The following FSTL5 variants were observed in gnomAD, a reference collection of about 807,000 sequenced individuals.
FSTL5 encodes the protein follistatin like 5.
FSTL5 carries 62 observed loss-of-function variants against 89.1 expected under a neutral mutation model. The ratio of observed to expected loss-of-function variants is 0.70; its 90% confidence interval spans 0.57 to 0.86. FSTL5 has a LOEUF of 0.86. Among genes scored for constraint, FSTL5 ranks in the 40% least tolerant of loss-of-function variants. The probability of loss-of-function intolerance (pLI) is 0.00; values close to 1 mark genes in which losing one functional copy is unlikely to be tolerated. For synonymous variants in FSTL5, 383 were observed against 346.2 expected, an observed-to-expected ratio of 1.11 and a Z score of -1.18; for missense variants, 1,057 against 1,001.6, an observed-to-expected ratio of 1.06 and a Z score of -0.75.
chr4:161,756,626 T>G (rs2126787007), intron 6 of FSTL5, among the ~76,000 whole-genome samples: 1 of 152,266 alleles, frequency 6.6e-6, no homozygotes, highest in African/African-American at 2.4e-5. Context: ...TTGTTTTCTT[T>G]AGCAACATCA....
intron 4 of FSTL5, among the ~76,000 whole-genome samples, chr4:161,904,834 C>T (rs953820901): frequency 2.6e-5 from 4 of 151,528 alleles, no homozygotes; most frequent in Non-Finnish European, 5.9e-5. Flanking sequence ...GAATGCCAGG[C>T]TTTTAAAAAA....
At chr4:161,962,577 G>T (rs536970865) in intron 3 of FSTL5, among the ~76,000 whole-genome samples, 1 of 151,012 alleles carries the variant, frequency 6.6e-6, no homozygotes, top group Non-Finnish European at 1.5e-5. Context: ...TAATGAGCCC[G>T]CATTGCTCAT....
At position 161,385,644 on chromosome 4, in the gene FSTL5, T is replaced by A. The variant is rs1730593126; in HGVS notation, c.*103A>T. The A allele has an allele frequency of 1.2e-6, 1 of 859,568 alleles. No individual in the cohort carries two copies. Among genetic ancestry groups the A allele is most frequent in the Non-Finnish European group, 1.8e-6 (1 of 556,622 alleles). The allele number at this position is 859,568 out of a possible 1,614,324, so 53.2% of individuals were successfully genotyped here. ...TTTGGACCAACCAAGTAAATTTTGTTTGACTAGGATATAAACTTGGAAAGT... is the reference window on the plus strand; with the variant it reads ...TTTGGACCAACCAAGTAAATTTTGTATGACTAGGATATAAACTTGGAAAGT... On this transcript the variant is annotated 3_prime_UTR_variant, in exon 16 of 16. Coordinates refer to ENST00000306100, the MANE Select transcript of FSTL5 (RefSeq NM_020116.5).
At chr4:161,535,303 A>G (rs1731563792) in intron 10 of FSTL5, among the ~76,000 whole-genome samples, 3 of 152,142 alleles carry the variant, frequency 2.0e-5, no homozygotes, top group Non-Finnish European at 1.5e-5. Context: ...AAGCCTACAG[A>G]ATGGGAAAAA....
chr4:161,850,616 T>C (rs1731518563), intron 4 of FSTL5, among the ~76,000 whole-genome samples: 2 of 152,152 alleles, frequency 1.3e-5, no homozygotes, highest in South Asian at 4.1e-4. Flanking sequence ...TATCACTAGA[T>C]AACAAAAAGG....
chr4:161,550,593 A>AT (rs376207816), intron 8 of FSTL5, among the ~76,000 whole-genome samples: 4 of 136,236 alleles, frequency 2.9e-5, no homozygotes, highest in South Asian at 2.3e-4. Flanking sequence ...TTATTTATTT[A>AT]TTATTATACT....
At position 161,775,947 on chromosome 4, in the gene FSTL5, C is replaced by G. The variant is rs1163318758; in HGVS notation, c.537G>C (p.Leu179Phe). The G allele has an allele frequency of 1.9e-6, 3 of 1,606,868 alleles. No homozygotes were observed. Among genetic ancestry groups the G allele is most frequent in the Non-Finnish European group, 2.6e-6 (3 of 1,176,352 alleles). ...NGDDISRKKL[L>F]VDQMFKYFDA... ...CAAAATATTTAAACATTTGATCCAC[C>G]AATAGCTTCTTCCGAGATATGTCGT... The change falls in exon 5 of 16, where the codon TTG becomes TTC. Residue 179 changes from leucine to phenylalanine, a missense_variant. By Grantham distance (22) the Leu-to-Phe change is conservative. This residue lies in a region of FSTL5 where 980 missense variants were observed against 903.2 expected (regional missense o/e 1.08). Coordinates refer to ENST00000306100, the MANE Select transcript of FSTL5 (RefSeq NM_020116.5).
intron 7 of FSTL5, among the ~76,000 whole-genome samples, chr4:161,633,488 A>G (rs1735572558): frequency 6.6e-6 from 1 of 151,808 alleles, no homozygotes; most frequent in Admixed American, 6.6e-5. Context: ...CTGAGACTAC[A>G]GGCACACACC....
intron 6 of FSTL5, among the ~76,000 whole-genome samples, chr4:161,749,585 C>A (rs974232702): frequency 6.6e-6 from 1 of 151,964 alleles, no homozygotes; most frequent in Non-Finnish European, 1.5e-5. Flanking sequence ...ATCCCGAGGT[C>A]AGGAGATCAA....
chr4:162,150,686 A>G (rs989345039), intron 1 of FSTL5, among the ~76,000 whole-genome samples: 2 of 152,164 alleles, frequency 1.3e-5, no homozygotes, highest in Non-Finnish European at 2.9e-5. Context: ...TGGTTAAATA[A>G]TATCTCAACC....
chr4:162,060,592 T>C (rs1275467857), intron 2 of FSTL5, among the ~76,000 whole-genome samples: 1 of 152,056 alleles, frequency 6.6e-6, no homozygotes, highest in Non-Finnish European at 1.5e-5. Context: ...CTTTTGTCCT[T>C]TTTTGATCTA....
chr4:162,061,726 T>C lies in FSTL5; in HGVS notation c.127-28068A>G, dbSNP rs575526217. 4.6e-5 allele frequency among the ~76,000 whole-genome samples: 7 copies of C among 152,214 alleles called. No individual in the cohort carries two copies. In the South Asian group the frequency reaches 1.4e-3, roughly 32 times the overall value. On this transcript the variant is annotated intron_variant, in intron 2 of 15. Coordinates refer to ENST00000306100, the MANE Select transcript of FSTL5 (RefSeq NM_020116.5). ...TTCTAAACACAGGGTCCCATGCAAA[T>C]GCATGAGTTACATATGCATAAAGGC...
chr4:161,429,960 C>G (rs1453913098), intron 15 of FSTL5, among the ~76,000 whole-genome samples: 1 of 152,038 alleles, frequency 6.6e-6, no homozygotes, highest in Admixed American at 6.5e-5. Context: ...TTCAAAAGAG[C>G]TGTTTTGAGG....
intron 13 of FSTL5, among the ~76,000 whole-genome samples, chr4:161,468,377 A>C (rs1227190099): frequency 1.3e-5 from 2 of 151,986 alleles, no homozygotes; most frequent in Non-Finnish European, 2.9e-5. Context: ...ATGTATCAAG[A>C]GAAGGTTAGG....
intron 6 of FSTL5, among the ~76,000 whole-genome samples, chr4:161,669,777 T>C (rs1039373002): frequency 2.6e-5 from 4 of 152,158 alleles, no homozygotes; most frequent in Non-Finnish European, 4.4e-5. Context: ...TTATTTTTCA[T>C]AGATACTAAT....
intron 2 of FSTL5, among the ~76,000 whole-genome samples, chr4:162,069,104 A>G (rs1729482548): frequency 6.6e-6 from 1 of 152,078 alleles, no homozygotes; most frequent in Non-Finnish European, 1.5e-5. Context: ...TGGGAATGCA[A>G]ATTAGTTTAA....
intron 4 of FSTL5, among the ~76,000 whole-genome samples, chr4:161,801,285 T>C (rs972764430): frequency 1.3e-5 from 2 of 151,578 alleles, no homozygotes; most frequent in Admixed American, 6.6e-5. Context: ...TTTAATCTTT[T>C]TGTGGCTAGT....
At chr4:161,771,476 G>A (rs1381621012) in intron 5 of FSTL5, among the ~76,000 whole-genome samples, 1 of 152,030 alleles carries the variant, frequency 6.6e-6, no homozygotes, top group South Asian at 2.1e-4. Context: ...AAGTAGTAGA[G>A]ATGTGATTTG....
chr4:162,000,616 A>C (rs1458293892), intron 3 of FSTL5, among the ~76,000 whole-genome samples: 1 of 151,080 alleles, frequency 6.6e-6, no homozygotes, highest in East Asian at 1.9e-4. Context: ...AAAAACAAAA[A>C]CAACAACAAC....
Sources: gnomAD v4.1 joint callset for allele counts (sites outside exome capture counted in the v4.1 genomes callset) on GRCh38, gnomAD v4.1.1 for gene constraint, gnomAD v4.1.1 regional missense constraint, MANE v1.5 for transcripts, NCBI Gene and HGNC (gene_info 2026-07-23, HGNC 2026-07-21) for gene names.